DNAH17: variants seen among roughly 807,000 people sequenced by gnomAD.
DNAH17 encodes the protein axonemal beta dynein heavy chain 17.
In DNAH17, 376 loss-of-function variants were observed where a neutral mutation model predicts 485.6. The ratio of observed to expected loss-of-function variants is 0.77; its 90% CI spans 0.71 to 0.84. The LOEUF (loss-of-function observed/expected upper bound fraction) is 0.84, where lower values mean the gene tolerates loss of function less well. Among genes scored for constraint, DNAH17 ranks in the 40% least tolerant of loss-of-function variants. DNAH17 has a pLI of 0.00. For synonymous variants in DNAH17, 3,031 were observed against 2,405.9 expected, an observed-to-expected ratio of 1.26 and a Z score of -7.60; for missense variants, 6,370 against 5,839.3, an observed-to-expected ratio of 1.09 and a Z score of -2.96.
At chr17:78,555,722 G>A (rs547689367) in intron 14 of DNAH17, among the ~76,000 whole-genome samples, 7 of 152,274 alleles carry the variant, frequency 4.6e-5, no homozygotes, top group South Asian at 2.1e-4. Flanking sequence ...TCTGAGGTGC[G>A]TGAGGTTGTT....
intron 49 of DNAH17, among the ~76,000 whole-genome samples, chr17:78,479,945 C>G (rs1171674008): frequency 7.1e-6 from 1 of 141,400 alleles, no homozygotes; most frequent in Non-Finnish European, 1.5e-5. Context: ...CAAAGTCTGT[C>G]TGGGTAAGGG....
chr17:78,467,268 G>T (rs192619953), intron 55 of DNAH17, among the ~76,000 whole-genome samples: 238 of 152,318 alleles, frequency 1.6e-3, no homozygotes, highest in African/African-American at 5.5e-3. Flanking sequence ...GGCCTGGGGG[G>T]CTCTCTGGCT....
chr17:78,449,595 G>A lies in DNAH17; in HGVS notation c.11041-11C>T, dbSNP rs187701595. The stretch of plus-strand genomic sequence containing the variant: ...CACCACGTTGAAGGCCTGGGGATCC[G>A]CCACCGAGAGCCATGGAGGCGTGCA... On this transcript the variant is annotated splice_polypyrimidine_tract_variant and intron_variant, in intron 68 of 80. Transcript: ENST00000389840. 6.0e-4 allele frequency: 955 copies of A among 1,581,976 alleles called. 2 individuals carry two copies. Among genetic ancestry groups the A allele is most frequent in the African/African-American group, 4.3e-3 (313 of 72,954 alleles).
At position 78,507,631 on chromosome 17, in the gene DNAH17, C is replaced by A. The variant is rs971779018; in HGVS notation, c.4411G>T (p.Glu1471Ter). 1 of 1,614,110 alleles carries A rather than the reference C, an allele frequency of 6.2e-7. No individual in the cohort carries two copies. Among genetic ancestry groups the A allele is most frequent in the Non-Finnish European group, 8.5e-7 (1 of 1,180,022 alleles). ...MSKYLAHFLK[E>*]VTSWQQKLST... The stretch of plus-strand genomic sequence containing the variant: ...AGCTTCTGCTGCCAGCTTGTCACCT[C>A]CTTCAGGAAGTGGGCCAGGTACTTG... Residue 1471 changes from glutamate (E) to a stop codon, truncating the protein, a stop_gained, in exon 28 of 81, where the codon GAG (glutamate) becomes TAG (stop). Transcript: ENST00000389840. LOFTEE classifies it high-confidence loss of function.
At position 78,478,886 on chromosome 17, in the gene DNAH17, C is replaced by T. The variant is rs368292742; in HGVS notation, c.7992+139G>A. The T allele has an allele frequency of 6.6e-5, 46 of 693,152 alleles. No homozygotes were observed. In the African/African-American group the frequency reaches 8.1e-4, roughly 12 times the overall value. 42.9% of individuals were successfully genotyped at this position (693,152 alleles called of 1,614,324 possible). A position where few individuals can be genotyped will look rare whatever the true frequency, so the allele number is the denominator to read the frequency against. On this transcript the variant is annotated intron_variant, in intron 51 of 80. Coordinates refer to ENST00000389840, the MANE Select transcript of DNAH17 (RefSeq NM_173628.4). The stretch of plus-strand genomic sequence containing the variant: ...TCACCACCACCATTACCATCACCAC[C>T]ATTATTATCATCATTATCATTACCA...
rs755828982 is a variant in DNAH17 at position 78,454,504 on chromosome 17, T to C, written c.10372A>G (p.Ser3458Gly). The C allele has an allele frequency of 4.7e-5, 76 of 1,613,294 alleles. No individual in the cohort carries two copies. Among genetic ancestry groups the C allele is most frequent in the Admixed American group, 6.7e-5 (4 of 59,944 alleles). Reference sequence around the variant, plus strand: ...CCCAGGCGGATGGCTTTCAGTTCACTCCTGTATTTGTTTTTGATCCACTTG... The same window carrying C: ...CCCAGGCGGATGGCTTTCAGTTCACCCCTGTATTTGTTTTTGATCCACTTG... ...GIKWIKNKYR[S>G]ELKAIRLGQK... Residue 3458 changes from serine (S) to glycine (G), a missense_variant, in exon 64 of 81, where the codon AGT becomes GGT. Coordinates refer to ENST00000389840, the MANE Select transcript of DNAH17 (RefSeq NM_173628.4).
intron 19 of DNAH17, 185 bp from the exon 20 acceptor site, chr17:78,532,921 C>A: frequency 3.1e-6 from 2 of 635,538 alleles, no homozygotes; most frequent in Non-Finnish European, 5.2e-6. Context: ...TGGTCCCCCA[C>A]TCCTGGGAGG....
rs1568044817 is a variant in DNAH17, at chr17:78,433,927, A to AGGAGGGAGGGAAGGAAGGAG, written c.12225+101_12225+102insCTCCTTCCTTCCCTCCCTCC. ...GACCAAAAGGAAAGGGAGGGAAGGAAGGAGGGAGGGAAGGAGGGAGGGAAG... is the reference window on the plus strand; with the variant it reads ...GACCAAAAGGAAAGGGAGGGAAGGAAGGAGGGAGGGAAGGAAGGAGGGAGGGAGGGAAGGAGGGAGGGAAG... On this transcript the variant is annotated intron_variant, in intron 75 of 80. Transcript: ENST00000389840. 17 of 791,182 alleles carry AGGAGGGAGGGAAGGAAGGAG rather than the reference A, an allele frequency of 2.1e-5. No homozygotes were observed. The African/African-American group carries it at 5.1e-4, about 24-fold the overall frequency. The allele number at this position is 791,182 out of a possible 1,614,324, so 49.0% of individuals were successfully genotyped here.
In DNAH17 at chr17:78,437,838, T is replaced by G. The variant is rs2086901752; in HGVS notation, c.11836A>C (p.Thr3946Pro). Residue 3946 changes from threonine (T) to proline (P), a missense_variant, in exon 74 of 81, where the codon ACA (threonine) becomes CCA (proline). Thr to Pro is a conservative substitution (Grantham distance 38). Transcript: ENST00000389840. ...NIHLVARWLG[T>P]LDKKLEHYST... ...TAGTGCTCCAGCTTCTTGTCCAGTG[T>G]TCCCAGCCACCGGGCCACCAGGTGG... is the stretch of plus-strand genomic sequence containing the variant. 1 of 1,611,266 alleles carries G rather than the reference T, an allele frequency of 6.2e-7. No homozygotes were observed. The highest frequency in any genetic ancestry group is 8.5e-7 in the Non-Finnish European group (1 of 1,179,066).
At chr17:78,539,708 A>T in intron 18 of DNAH17, 29 bp downstream of exon 18, 1 of 1,548,972 alleles carries the variant, frequency 6.5e-7, no homozygotes, top group East Asian at 2.3e-5. Context: ...ACATATACAT[A>T]AATATATTAC....
At chr17:78,571,456 C>T in intron 4 of DNAH17, 78 bp from the exon 5 acceptor site, 1 of 1,479,064 alleles carries the variant, frequency 6.8e-7, no homozygotes, top group Non-Finnish European at 9.4e-7. Flanking sequence ...TTGTGGCTGG[C>T]TGGAGCTGCA....
chr17:78,544,889 T>G (rs1311768057), intron 16 of DNAH17, among the ~76,000 whole-genome samples: 2 of 152,026 alleles, frequency 1.3e-5, no homozygotes, highest in Non-Finnish European at 1.5e-5. Context: ...TTAGATTTTT[T>G]TTCCCTACAC....
At chr17:78,428,438 CT>C (rs1463115987) in intron 77 of DNAH17, 86 bp downstream of exon 77, 2 of 1,487,296 alleles carry the variant, frequency 1.3e-6, no homozygotes, top group Non-Finnish European at 1.8e-6. Flanking sequence ...GCAAGTTCCC[CT>C]GTACTGCCGC....
chr17:78,446,682 C>CA (rs1434300989), intron 69 of DNAH17, among the ~76,000 whole-genome samples: 1 of 152,122 alleles, frequency 6.6e-6, no homozygotes, highest in Non-Finnish European at 1.5e-5. Flanking sequence ...CTCACTCTGT[C>CA]ACCCAGGCTG....
chr17:78,532,962 G>A, intron 19 of DNAH17: 2 of 491,550 alleles, frequency 4.1e-6, no homozygotes, highest in East Asian at 3.9e-5. Flanking sequence ...TTAGTGGATA[G>A]CACACTACAG....
intron 27 of DNAH17, among the ~76,000 whole-genome samples, chr17:78,509,597 A>G (rs11658035): frequency 0.11 from 16,914 of 152,222 alleles, 1,223 homozygotes; most frequent in Middle Eastern, 0.17. Flanking sequence ...GGCTGAGGAG[A>G]GAGATTTGAA....
At position 78,423,986 on chromosome 17, in the gene DNAH17, C is replaced by T. The variant is rs1555646645; in HGVS notation, c.13309G>A (p.Val4437Ile). The change falls in exon 81 of 81, where the codon GTC becomes ATC. Residue 4437 changes from valine (V) to isoleucine (I), a missense_variant. Coordinates refer to ENST00000389840, the MANE Select transcript of DNAH17 (RefSeq NM_173628.4). ...TTGGTCTTCAAGTTAAAGGTCCAGA[C>T]ATAGGTGGGGCCGCGGATGCGTGTT... ...YKTRIRGPTY[V>I]WTFNLKTKEK... is the part of the protein sequence containing the mutation. The T allele has an allele frequency of 1.9e-6, 3 of 1,614,056 alleles. No homozygotes were observed. In the Admixed American group the frequency reaches 5.0e-5, roughly 27 times the overall value.
intron 54 of DNAH17, among the ~76,000 whole-genome samples, chr17:78,473,106 G>A (rs1187478220): frequency 6.6e-6 from 1 of 152,182 alleles, no homozygotes; most frequent in Non-Finnish European, 1.5e-5. Flanking sequence ...TACCCCCATA[G>A]GGGTGAGCCT....
chr17:78,491,347 C>A, intron 43 of DNAH17, 96 bp downstream of exon 43: 1 of 1,490,908 alleles, frequency 6.7e-7, no homozygotes, highest in Non-Finnish European at 9.0e-7. Flanking sequence ...CCAAGCCTGG[C>A]ATGCAGGGCC....
Sources: gnomAD v4.1 joint callset for allele counts (sites outside exome capture counted in the v4.1 genomes callset) on GRCh38, gnomAD v4.1.1 for gene constraint, MANE v1.5 for transcripts, NCBI Gene and HGNC (gene_info 2026-07-23, HGNC 2026-07-21) for gene names.